SHANK2: variants seen among roughly 807,000 people sequenced by gnomAD.
SHANK2 encodes the protein SH3 and multiple ankyrin repeat domains protein 2.
In SHANK2, 43 loss-of-function variants were observed where a neutral mutation model predicts 133.7. The observed-to-expected ratio is 0.32, with a 90% confidence interval of 0.25 to 0.41. The LOEUF is 0.41. Ranked by LOEUF, SHANK2 falls within the 10% of genes least tolerant of loss-of-function variation. SHANK2 has a pLI of 1.00. For synonymous variants in SHANK2, 1,017 were observed against 952.8 expected (o/e 1.07, Z -1.24); for missense variants, 1,994 against 2,235.8 (o/e 0.89, Z 2.18).
intron 10 of SHANK2, chr11:70,910,870 C>T (rs1301038801): frequency 1.2e-5 from 5 of 419,536 alleles, no homozygotes; most frequent in African/African-American, 1.0e-4. Flanking sequence ...AACTGGATAA[C>T]ACAATTGTTT....
At chr11:70,826,204 C>A (rs141763171) in intron 11 of SHANK2, among the ~76,000 whole-genome samples, 1 of 152,178 alleles carries the variant, frequency 6.6e-6, no homozygotes, top group Non-Finnish European at 1.5e-5. Context: ...ACGGTCCCCA[C>A]GGATGGCCAT....
intron 2 of SHANK2, among the ~76,000 whole-genome samples, chr11:71,193,957 C>A (rs1555115829): frequency 6.6e-6 from 1 of 152,208 alleles, no homozygotes; most frequent in Non-Finnish European, 1.5e-5. Context: ...CAAATAAGGT[C>A]ACGTTCTGAG....
At chr11:71,145,760 A>C (rs1952630717) in intron 3 of SHANK2, among the ~76,000 whole-genome samples, 1 of 151,948 alleles carries the variant, frequency 6.6e-6, no homozygotes, top group African/African-American at 2.4e-5. Context: ...GATCTCCAGC[A>C]CTTGGGCCCC....
chr11:70,549,823 T>G lies in SHANK2; in HGVS notation c.2062-46892A>C, dbSNP rs138959027. Among the ~76,000 whole-genome samples, 807 of 152,352 alleles carry G rather than the reference T, an allele frequency of 5.3e-3. 16 individuals carry two copies. The highest frequency in any genetic ancestry group is 0.038 in the Admixed American group (580 of 15,304). On this transcript the variant is annotated intron_variant, in intron 17 of 25. Coordinates refer to ENST00000601538, the MANE Select transcript of SHANK2 (RefSeq NM_012309.5). ...AAACAGAGCTGCATTTTAGGCGTGA[T>G]TCTCACCATACCTCCATGTTTGGGT...
chr11:71,180,233 C>T (rs528405102), intron 2 of SHANK2, among the ~76,000 whole-genome samples: 11 of 152,276 alleles, frequency 7.2e-5, no homozygotes, highest in African/African-American at 2.4e-4. Context: ...CCAGATGTGC[C>T]GACCAACACC....
chr11:70,501,721 C>G (rs2059055942), intron 20 of SHANK2, among the ~76,000 whole-genome samples: 1 of 152,210 alleles, frequency 6.6e-6, no homozygotes, highest in African/African-American at 2.4e-5. Flanking sequence ...GCCGGGCGTT[C>G]CCTAAGCCTG....
At position 70,563,539 on chromosome 11, in the gene SHANK2, C is replaced by CTTTT. The variant is rs35931621; in HGVS notation, c.2062-60612_2062-60609dup. On this transcript the variant is annotated intron_variant, in intron 17 of 25. Coordinates refer to ENST00000601538, the MANE Select transcript of SHANK2 (RefSeq NM_012309.5). Reference sequence around the variant, plus strand: ...CTTGGTGTATTTCCATCTGTGGTCACTTTTTTTTTTTTTTTTGAGATGGAG... The same window carrying CTTTT: ...CTTGGTGTATTTCCATCTGTGGTCACTTTTTTTTTTTTTTTTTTTTGAGATGGAG... Among the ~76,000 whole-genome samples, 357 of 135,416 alleles carry CTTTT rather than the reference C, an allele frequency of 2.6e-3. 11 individuals carry two copies. The highest frequency in any genetic ancestry group is 9.0e-3 in the African/African-American group (327 of 36,514). 88.8% of individuals were successfully genotyped at this position (135,416 alleles called of 152,430 possible).
intron 17 of SHANK2, among the ~76,000 whole-genome samples, chr11:70,597,900 A>G (rs781867750): frequency 9.9e-5 from 15 of 152,172 alleles, no homozygotes; most frequent in Non-Finnish European, 1.8e-4. Context: ...AACCAACACC[A>G]GAGTGGCAGG....
chr11:70,865,358 TA>T (rs143700378), intron 11 of SHANK2, among the ~76,000 whole-genome samples: 8,386 of 152,212 alleles, frequency 0.055, 438 homozygotes, highest in East Asian at 0.17. Flanking sequence ...AGGCGACGTC[TA>T]AATTTAGCCT....
In SHANK2 at chr11:70,675,819, G is replaced by A. The variant is rs116788534; in HGVS notation, c.1854-14141C>T. 8.7e-3 allele frequency among the ~76,000 whole-genome samples: 1,330 copies of A among 152,296 alleles called. 15 individuals carry two copies. Among genetic ancestry groups the A allele is most frequent in the African/African-American group, 0.022 (904 of 41,562 alleles). On this transcript the variant is annotated intron_variant, in intron 15 of 25. Coordinates refer to ENST00000601538, the MANE Select transcript of SHANK2 (RefSeq NM_012309.5). ...CCAGGGAGGAAGGACACGGTGGGGTGAGCAAGGCCAAAGGCAAAGCAAGGC... is the reference window on the plus strand; with the variant it reads ...CCAGGGAGGAAGGACACGGTGGGGTAAGCAAGGCCAAAGGCAAAGCAAGGC...
intron 9 of SHANK2, among the ~76,000 whole-genome samples, chr11:71,071,765 C>T (rs1299808781): frequency 6.6e-6 from 1 of 152,124 alleles, no homozygotes; most frequent in African/African-American, 2.4e-5. Context: ...CATGGAAGGG[C>T]TGGGGAATGG....
Position 70,535,150 on chromosome 11 carries a change from G to A in SHANK2, c.2062-32219C>T, listed in dbSNP as rs371157045. 1.3e-5 allele frequency among the ~76,000 whole-genome samples: 2 copies of A among 152,094 alleles called. No homozygotes were observed. The highest frequency in any genetic ancestry group is 2.9e-5 in the Non-Finnish European group (2 of 67,998). ...GCTCATGACCAGGGATGGTTCCCAC[G>A]AACACCTTCCTCCCTCCCACCCTCT... On this transcript the variant is annotated intron_variant, in intron 17 of 25. Coordinates refer to ENST00000601538, the MANE Select transcript of SHANK2 (RefSeq NM_012309.5). This position sits in a 1 kb window ranked among gnomAD's most constrained non-coding sequence, Gnocchi z 4.3.
chr11:71,081,109 G>T (rs1951294271), intron 8 of SHANK2, among the ~76,000 whole-genome samples: 1 of 152,128 alleles, frequency 6.6e-6, no homozygotes, highest in African/African-American at 2.4e-5. Context: ...GGCCTGGCTG[G>T]TATCCTTATA....
intron 9 of SHANK2, among the ~76,000 whole-genome samples, chr11:71,057,649 A>G (rs1272130119): frequency 2.0e-5 from 3 of 152,058 alleles, no homozygotes; most frequent in Non-Finnish European, 4.4e-5. Flanking sequence ...TCTTGGGCTC[A>G]GGCAATTCTC....
rs1360722992 is a variant in SHANK2 at position 70,820,698 on chromosome 11, T to C, written c.1175-16A>G. On this transcript the variant is annotated splice_polypyrimidine_tract_variant and intron_variant, in intron 11 of 25. Transcript: ENST00000601538. ...CGGAAGGGCACTGGGGAGAAGGACA[T>C]GGAGAGAGGCCGGTGAGTGCATCTG... 4.6e-6 allele frequency: 3 copies of C among 654,138 alleles called. No homozygotes were observed. Among genetic ancestry groups the C allele is most frequent in the Non-Finnish European group, 5.6e-6 (2 of 355,812 alleles). 40.5% of individuals were successfully genotyped at this position (654,138 alleles called of 1,614,324 possible).
rs535131256 is a variant in SHANK2, at chr11:70,853,629, C to T, written c.1175-32947G>A. On this transcript the variant is annotated intron_variant, in intron 11 of 25. Transcript: ENST00000601538. Reference sequence around the variant, plus strand: ...GGGCATCTGCCTCCACTCTCAGTAACGGGAGGGAGACAGAGTGAAAATACA... The same window carrying T: ...GGGCATCTGCCTCCACTCTCAGTAATGGGAGGGAGACAGAGTGAAAATACA... Among the ~76,000 whole-genome samples, 17 of 152,274 alleles carry T rather than the reference C, an allele frequency of 1.1e-4. No individual in the cohort carries two copies. The South Asian group carries it at 2.5e-3, about 22-fold the overall frequency.
intron 18 of SHANK2, 66 bp downstream of exon 18, chr11:70,502,730 T>TGGGGGGGGGGGG: frequency 4.7e-5 from 36 of 772,428 alleles, no homozygotes; most frequent in East Asian, 4.2e-4. Flanking sequence ...CCAGCTGTCC[T>TGGGGGGGGGGGG]GCCCGCCCCC....
At chr11:70,605,364 C>T (rs1554992021) in intron 17 of SHANK2, among the ~76,000 whole-genome samples, 1 of 152,236 alleles carries the variant, frequency 6.6e-6, no homozygotes, top group Non-Finnish European at 1.5e-5. Flanking sequence ...AGCGGGTGAG[C>T]CCGCGACAGG....
chr11:71,098,082 G>A (rs1362429879), intron 6 of SHANK2, among the ~76,000 whole-genome samples: 2 of 149,564 alleles, frequency 1.3e-5, no homozygotes, highest in Non-Finnish European at 3.0e-5. Context: ...GTGTATGCAT[G>A]CCTGTTGTGT....
Sources: gnomAD v4.1 joint callset for allele counts (sites outside exome capture counted in the v4.1 genomes callset) on GRCh38, gnomAD v4.1.1 for gene constraint, Gnocchi (gnomAD v3.1) non-coding constraint, MANE v1.5 for transcripts, NCBI Gene and HGNC (gene_info 2026-07-23, HGNC 2026-07-21) for gene names.